The following DNAJC5B variants were observed in gnomAD, a reference collection of about 807,000 sequenced individuals.
DNAJC5B encodes the protein dnaJ homolog subfamily C member 5B.
A neutral mutation model predicts 24.7 loss-of-function variants in DNAJC5B; 23 were observed. That is an observed-to-expected ratio of 0.93 (90% CI 0.67 to 1.32). The LOEUF (loss-of-function observed/expected upper bound fraction) is 1.32, where lower values mean the gene tolerates loss of function less well. DNAJC5B is among the 40% of genes most tolerant of loss of function. DNAJC5B has a pLI of 0.00. For missense variants in DNAJC5B, 238 were observed against 240.8 expected (o/e 0.99, Z 0.08); for synonymous variants, 101 against 90.1 (o/e 1.12, Z -0.68).
At chr8:66,098,396 T>C (rs1441731062) in intron 5 of DNAJC5B, among the ~76,000 whole-genome samples, 2 of 151,658 alleles carry the variant, frequency 1.3e-5, no homozygotes, top group East Asian at 3.9e-4. Context: ...AGAGACAGAG[T>C]TTCACCATGT....
intron 1 of DNAJC5B, among the ~76,000 whole-genome samples, chr8:66,027,005 A>T (rs1424158293): frequency 1.3e-5 from 2 of 152,166 alleles, no homozygotes; most frequent in Admixed American, 6.5e-5. Flanking sequence ...GTAGTGGTCA[A>T]GTTTGGGCTT....
chr8:66,072,816 C>T (rs1807378359), intron 3 of DNAJC5B, among the ~76,000 whole-genome samples: 1 of 152,072 alleles, frequency 6.6e-6, no homozygotes. Flanking sequence ...TACATAATGA[C>T]CAAACTGAGT....
At chr8:66,080,785 GA>G (rs1807579321) in intron 5 of DNAJC5B, among the ~76,000 whole-genome samples, 2 of 152,174 alleles carry the variant, frequency 1.3e-5, no homozygotes, top group South Asian at 4.1e-4. Context: ...GAAATATGCT[GA>G]TGATGAATCA....
chr8:66,036,124 G>A (rs879363572), intron 1 of DNAJC5B, among the ~76,000 whole-genome samples: 4 of 152,204 alleles, frequency 2.6e-5, no homozygotes, highest in African/African-American at 4.8e-5. Flanking sequence ...AGGAAAACCT[G>A]GCTGAGACCT....
intron 1 of DNAJC5B, among the ~76,000 whole-genome samples, chr8:66,023,191 C>A (rs1432916397): frequency 6.6e-6 from 1 of 152,124 alleles, no homozygotes; most frequent in Admixed American, 6.5e-5. Flanking sequence ...AAGTTTAAGC[C>A]CCCTCACTCT....
At chr8:66,040,413 G>T (rs1268426147) in intron 1 of DNAJC5B, among the ~76,000 whole-genome samples, 4 of 151,662 alleles carry the variant, frequency 2.6e-5, no homozygotes, top group Non-Finnish European at 5.9e-5. Flanking sequence ...GACTTGCCCA[G>T]TGTTTAAGAA....
chr8:66,098,192 G>A (rs1807995399), intron 5 of DNAJC5B, among the ~76,000 whole-genome samples: 1 of 150,640 alleles, frequency 6.6e-6, no homozygotes, highest in South Asian at 2.1e-4. Context: ...TGACTAAGAT[G>A]TTTTAAATAT....
At chr8:66,056,913 G>A (rs1295221331) in intron 3 of DNAJC5B, 7 of 152,286 alleles carry the variant, frequency 4.6e-5, no homozygotes, top group Admixed American at 4.6e-4. Context: ...GGCCGAGGCT[G>A]GCGGATCACG....
rs1808044127 is a variant in DNAJC5B at position 66,100,113 on chromosome 8, T to C, written c.*82T>C. On this transcript the variant is annotated 3_prime_UTR_variant, in exon 6 of 6. Transcript: ENST00000276570. ...TGGTCGTAGGGGAGCGTGTGGGGCA[T>C]AAAGTGCTGTGAACTTTTCCATCTT... The C allele has an allele frequency of 8.4e-7, 1 of 1,188,708 alleles. No homozygotes were observed. Among genetic ancestry groups the C allele is most frequent in the Non-Finnish European group, 1.2e-6 (1 of 848,112 alleles). 73.6% of individuals were successfully genotyped at this position (1,188,708 alleles called of 1,614,324 possible).
In DNAJC5B at chr8:66,062,964, TGC is replaced by T. The variant is rs551095762; in HGVS notation, c.119+11299_119+11300del. 6.5e-3 allele frequency among the ~76,000 whole-genome samples: 984 copies of T among 152,306 alleles called. 10 individuals carry two copies. The highest frequency in any genetic ancestry group is 0.023 in the African/African-American group (944 of 41,558). ...GTTTGAGGCTGCAGTAGGCCATGAT[TGC>T]ACCACTGCACTCCAGCCTACGTGGC... On this transcript the variant is annotated intron_variant, in intron 3 of 5. Transcript: ENST00000276570.
intron 3 of DNAJC5B, among the ~76,000 whole-genome samples, chr8:66,059,419 C>T (rs548320479): frequency 4.7e-4 from 72 of 152,278 alleles, no homozygotes; most frequent in African/African-American, 1.6e-3. Flanking sequence ...CTTGCCTTTC[C>T]ACCTAATTTA....
rs1199062908 is a variant in DNAJC5B, at chr8:66,076,808, G to A, written c.268G>A (p.Val90Met). The change falls in exon 4 of 6, where the codon GTG becomes ATG. Residue 90 changes from valine (V) to methionine (M), a missense_variant. Coordinates refer to ENST00000276570, the MANE Select transcript of DNAJC5B (RefSeq NM_033105.6). ...YDKYGSLGLY[V>M]AEQFGDENVN... ...CAAGTACGGATCGCTGGGACTCTACGTGGCCGAGCAGTTTGGAGACGAAAA... is the reference window on the plus strand; with the variant it reads ...CAAGTACGGATCGCTGGGACTCTACATGGCCGAGCAGTTTGGAGACGAAAA... The A allele has an allele frequency of 2.5e-6, 4 of 1,614,026 alleles. No individual in the cohort carries two copies. Among genetic ancestry groups the A allele is most frequent in the East Asian group, 2.2e-5 (1 of 44,898 alleles).
At chr8:66,041,999 T>A (rs1806620778) in intron 1 of DNAJC5B, among the ~76,000 whole-genome samples, 1 of 152,216 alleles carries the variant, frequency 6.6e-6, no homozygotes, top group African/African-American at 2.4e-5. Context: ...TCTTTTCAGA[T>A]CTCTGCCCAG....
At chr8:66,083,096 C>A (rs2128965227) in intron 5 of DNAJC5B, among the ~76,000 whole-genome samples, 1 of 149,984 alleles carries the variant, frequency 6.7e-6, no homozygotes, top group East Asian at 2.0e-4. Flanking sequence ...ACTGCAACCG[C>A]CGCCTCCCGG....
At chr8:66,094,512 T>C (rs1011926009) in intron 5 of DNAJC5B, among the ~76,000 whole-genome samples, 3 of 152,132 alleles carry the variant, frequency 2.0e-5, no homozygotes, top group African/African-American at 7.2e-5. Context: ...ACTCTCTTGC[T>C]AATTTTAATT....
chr8:66,053,633 T>A (rs1396567603), intron 3 of DNAJC5B, among the ~76,000 whole-genome samples: 1 of 147,414 alleles, frequency 6.8e-6, no homozygotes, highest in Non-Finnish European at 1.5e-5. Flanking sequence ...TCAACTACCT[T>A]TTTTTTTTTT....
chr8:66,090,668 A>G (rs1807828115), intron 5 of DNAJC5B, among the ~76,000 whole-genome samples: 1 of 152,138 alleles, frequency 6.6e-6, no homozygotes, highest in Non-Finnish European at 1.5e-5. Context: ...TGAGATGAAG[A>G]GGCCATATGG....
At chr8:66,087,877 T>G in intron 5 of DNAJC5B, among the ~76,000 whole-genome samples, 1 of 152,214 alleles carries the variant, frequency 6.6e-6, no homozygotes, top group African/African-American at 2.4e-5. Context: ...TGAGTGCCTG[T>G]GGCTTTTCCA....
At chr8:66,038,305 G>A (rs1043852380) in intron 1 of DNAJC5B, among the ~76,000 whole-genome samples, 9 of 152,180 alleles carry the variant, frequency 5.9e-5, no homozygotes, top group Non-Finnish European at 1.2e-4. Flanking sequence ...GTGTGACATA[G>A]GTGGTGTCAT....
Sources: allele counts gnomAD v4.1 joint callset (sites outside exome capture counted in the v4.1 genomes callset), GRCh38; gene constraint gnomAD v4.1.1; transcripts MANE v1.5; gene names NCBI Gene and HGNC (gene_info 2026-07-23, HGNC 2026-07-21).